NCBP1: variants seen among roughly 807,000 people sequenced by gnomAD.
The protein encoded by NCBP1 is nuclear cap-binding protein subunit 1.
NCBP1 carries 16 observed loss-of-function variants against 111.7 expected under a neutral mutation model. The observed-to-expected ratio is 0.14, with a 90% CI of 0.10 to 0.22. The LOEUF (loss-of-function observed/expected upper bound fraction) is 0.22, where lower values mean the gene tolerates loss of function less well. NCBP1 is among the 10% of genes least tolerant of loss of function. NCBP1 has a pLI of 1.00. For missense variants in NCBP1, 607 were observed against 957.5 expected (o/e 0.63, Z 4.83); for synonymous variants, 304 against 314.3 (o/e 0.97, Z 0.35).
chr9:97,655,987 G>A (rs1340464300), intron 13 of NCBP1, 24 bp from the exon 14 acceptor site: 1 of 1,603,034 alleles, frequency 6.2e-7, no homozygotes, highest in Non-Finnish European at 8.5e-7. Flanking sequence ...TGTAAGCATT[G>A]ATAAAACTAC....
chr9:97,649,626 T>C (rs1280488271), intron 8 of NCBP1, among the ~76,000 whole-genome samples: 1 of 152,224 alleles, frequency 6.6e-6, no homozygotes, highest in African/African-American at 2.4e-5. Flanking sequence ...CCGTCTTTGC[T>C]ATATTCCATA....
intron 12 of NCBP1, 55 bp from the exon 13 acceptor site, chr9:97,655,647 C>A: frequency 6.9e-7 from 1 of 1,455,998 alleles, no homozygotes; most frequent in Non-Finnish European, 9.5e-7. Context: ...AGTTTCTGTT[C>A]TAAATCCCAG....
rs150384693 is a variant in NCBP1 at position 97,659,786 on chromosome 9, T to G, written c.1477+1043T>G. ...GAAAGCTCAGGCTTTTGTTGAAGAT[T>G]AAGCTTTCTTTTTGCCCCATAGGAA... On this transcript the variant is annotated intron_variant, in intron 15 of 22. Coordinates refer to ENST00000375147, the MANE Select transcript of NCBP1 (RefSeq NM_002486.5). 4.5e-4 allele frequency among the ~76,000 whole-genome samples: 69 copies of G among 152,354 alleles called. No individual in the cohort carries two copies. The East Asian group carries it at 0.012, about 27-fold the overall frequency.
rs1158912698 is a variant in NCBP1, at chr9:97,645,103, GT to G, written c.382-11del. 25 of 1,591,302 alleles carry G rather than the reference GT, an allele frequency of 1.6e-5. No individual in the cohort carries two copies. The South Asian group carries it at 2.5e-4, about 16-fold the overall frequency. ...ACATTTAGGTTTAATAGCAGAAATT[GT>G]TTGCCCCAACAGGTCCGTTTTTTAT... On this transcript the variant is annotated splice_polypyrimidine_tract_variant and intron_variant, in intron 4 of 22. Transcript: ENST00000375147.
At chr9:97,650,016 G>C (rs972147036) in intron 8 of NCBP1, among the ~76,000 whole-genome samples, 1 of 152,124 alleles carries the variant, frequency 6.6e-6, no homozygotes, top group Non-Finnish European at 1.5e-5. Context: ...TTTTGAACCT[G>C]TTTGCTATGA....
chr9:97,657,926 ATTTT>A (rs57402675), intron 14 of NCBP1, among the ~76,000 whole-genome samples: 3,251 of 91,376 alleles, frequency 0.036, 187 homozygotes, highest in African/African-American at 0.12. Flanking sequence ...ATATATATAT[ATTTT>A]TTTTTTTTTT....
At chr9:97,663,605 C>T (rs1339481794) in intron 18 of NCBP1, among the ~76,000 whole-genome samples, 1 of 151,924 alleles carries the variant, frequency 6.6e-6, no homozygotes, top group African/African-American at 2.4e-5. Flanking sequence ...CTGCCTCAGC[C>T]TCCCGAGTAG....
intron 1 of NCBP1, among the ~76,000 whole-genome samples, chr9:97,637,424 G>A (rs1827075102): frequency 6.6e-6 from 1 of 152,164 alleles, no homozygotes; most frequent in African/African-American, 2.4e-5. Context: ...CAAAATCTTA[G>A]CTAGAAACAA....
intron 1 of NCBP1, among the ~76,000 whole-genome samples, chr9:97,635,438 A>T (rs1406700323): frequency 7.4e-6 from 1 of 135,482 alleles, no homozygotes; most frequent in African/African-American, 3.2e-5. Context: ...TCTGAGACGG[A>T]GTGTCATTCT....
At chr9:97,650,727 C>A in intron 9 of NCBP1, 127 bp downstream of exon 9, 1 of 706,014 alleles carries the variant, frequency 1.4e-6, no homozygotes, top group Non-Finnish European at 2.4e-6. Context: ...TTGCTAAAAT[C>A]AATTTCTAAA....
chr9:97,655,039 T>C, intron 12 of NCBP1, 95 bp downstream of exon 12: 1 of 1,125,214 alleles, frequency 8.9e-7, no homozygotes, highest in African/African-American at 1.8e-5. Context: ...AGAATTTCCA[T>C]GTTTAGTTTT....
At chr9:97,670,160 A>C (rs1194759203) in intron 22 of NCBP1, 1 of 243,206 alleles carries the variant, frequency 4.1e-6, no homozygotes, top group East Asian at 9.0e-5. Flanking sequence ...TGACCTCAGG[A>C]GGCCTCCGCC....
Position 97,651,347 on chromosome 9 carries a change from A to G in NCBP1, c.1033A>G (p.Ile345Val). 1 of 1,613,484 alleles carries G rather than the reference A, an allele frequency of 6.2e-7. No individual in the cohort carries two copies. Among genetic ancestry groups the G allele is most frequent in the Non-Finnish European group, 8.5e-7 (1 of 1,179,704 alleles). Residue 345 changes from isoleucine to valine, a missense_variant, in exon 10 of 23, where the codon ATC (isoleucine) becomes GTC (valine). Physicochemically the swap from Ile to Val is conservative, Grantham distance 29. Around this residue, in one of 9 missense-constraint regions of NCBP1, gnomAD observed 33 missense variants for 46.5 expected, o/e 0.71. Coordinates refer to ENST00000375147, the MANE Select transcript of NCBP1 (RefSeq NM_002486.5). Reference sequence around the variant, plus strand: ...AGTGAGCTATCCAGGGAAGAACAAGATCCCCTTGAACTACCACATAGTTGA... The same window carrying G: ...AGTGAGCTATCCAGGGAAGAACAAGGTCCCCTTGAACTACCACATAGTTGA... The part of the protein sequence containing the change: ...QLVSYPGKNK[I>V]PLNYHIVEVI...
chr9:97,646,314 A>G (rs941828396), intron 6 of NCBP1, among the ~76,000 whole-genome samples: 1 of 152,216 alleles, frequency 6.6e-6, no homozygotes, highest in Non-Finnish European at 1.5e-5. Flanking sequence ...CTCCTAAGCC[A>G]ATGTAAAAGC....
chr9:97,654,426 G>A (rs1827587405), intron 11 of NCBP1, among the ~76,000 whole-genome samples: 1 of 152,068 alleles, frequency 6.6e-6, no homozygotes, highest in Admixed American at 6.6e-5. Flanking sequence ...TTATGGGATT[G>A]CAGCAATTAA....
At chr9:97,638,932 G>A (rs1008597639) in intron 1 of NCBP1, among the ~76,000 whole-genome samples, 6 of 152,128 alleles carry the variant, frequency 3.9e-5, no homozygotes, top group East Asian at 3.9e-4. Context: ...GGCAGCTTGC[G>A]TAAATATTAC....
chr9:97,644,301 T>C (rs35228979), intron 4 of NCBP1, among the ~76,000 whole-genome samples: 57 of 152,178 alleles, frequency 3.7e-4, no homozygotes, highest in Non-Finnish European at 6.5e-4. Context: ...GTCTCCCATA[T>C]GCTCCCCAGC....
chr9:97,671,228 T>C lies in NCBP1; in HGVS notation c.*29T>C, dbSNP rs1413245911. ...TCATTTTTTCCTCATGTCAAGGTTT[T>C]TTTTGATATCTTAAAATAATTTGTC... On this transcript the variant is annotated 3_prime_UTR_variant, in exon 23 of 23. Coordinates refer to ENST00000375147, the MANE Select transcript of NCBP1 (RefSeq NM_002486.5). The C allele has an allele frequency of 2.1e-6, 3 of 1,449,968 alleles. No individual in the cohort carries two copies. The highest frequency in any genetic ancestry group is 2.9e-6 in the Non-Finnish European group (3 of 1,046,518). The allele number at this position is 1,449,968 out of a possible 1,614,324, so 89.8% of individuals were successfully genotyped here. A position where few individuals can be genotyped will look rare whatever the true frequency, so the allele number is the denominator to read the frequency against.
chr9:97,637,089 G>GT (rs1827063594), intron 1 of NCBP1, among the ~76,000 whole-genome samples: 1 of 152,110 alleles, frequency 6.6e-6, no homozygotes, highest in African/African-American at 2.4e-5. Context: ...GAGTGAGGGG[G>GT]AAGTTGTAGG....
Sources: allele counts gnomAD v4.1 joint callset (sites outside exome capture counted in the v4.1 genomes callset), GRCh38; gene constraint gnomAD v4.1.1; regional missense constraint gnomAD v4.1.1; transcripts MANE v1.5; gene names NCBI Gene and HGNC (gene_info 2026-07-23, HGNC 2026-07-21).